The following CFAP54 variants were observed in gnomAD, a reference collection of about 807,000 sequenced individuals.
The protein encoded by CFAP54 is cilia and flagella associated protein 54.
In CFAP54, 290 loss-of-function variants were observed where a neutral mutation model predicts 370.4. That is an observed-to-expected ratio of 0.78 (90% CI 0.71 to 0.86). CFAP54 has a LOEUF of 0.86. Among genes scored for constraint, CFAP54 ranks in the 40% least tolerant of loss-of-function variants. CFAP54 has a pLI of 0.00. For missense variants in CFAP54, 3,399 were observed against 3,528.7 expected (o/e 0.96, Z 0.93); for synonymous variants, 1,206 against 1,236.5 (o/e 0.98, Z 0.52).
chr12:96,693,642 A>T, intron 44 of CFAP54, 80 bp from the exon 45 acceptor site: 1 of 893,942 alleles, frequency 1.1e-6, no homozygotes, highest in Non-Finnish European at 1.8e-6. Context: ...TCCTATATTT[A>T]ATATTTGGCT....
At chr12:96,575,057 C>G (rs1200901553) in intron 19 of CFAP54, among the ~76,000 whole-genome samples, 1 of 151,988 alleles carries the variant, frequency 6.6e-6, no homozygotes, top group Admixed American at 6.6e-5. Context: ...ATTATTATTT[C>G]TGTGTTTAGG....
Position 96,718,447 on chromosome 12 carries a change from A to G in CFAP54, c.6729A>G (p.Ile2243Met), listed in dbSNP as rs776098365. 5 of 1,487,476 alleles carry G rather than the reference A, an allele frequency of 3.4e-6. No homozygotes were observed. The South Asian group carries it at 3.4e-5, about 10-fold the overall frequency. 92.1% of individuals were successfully genotyped at this position (1,487,476 alleles called of 1,614,324 possible). A position where few individuals can be genotyped will look rare whatever the true frequency, so the allele number is the denominator to read the frequency against. ...SKPNLPNLEE[I>M]YSKDDGSSFY... The stretch of plus-strand genomic sequence containing the variant: ...CAAAATTTTGTGTCTTTATAGAGAT[A>G]TATTCAAAGGATGATGGAAGTTCAT... The change falls in exon 49 of 68, where the codon ATA becomes ATG. Residue 2243 changes from isoleucine (I) to methionine (M), a missense_variant. Physicochemically the swap from Ile to Met is conservative, Grantham distance 10. Coordinates refer to ENST00000524981, the MANE Select transcript of CFAP54 (RefSeq NM_001306084.2).
chr12:96,723,447 A>G (rs1957783244), intron 50 of CFAP54, among the ~76,000 whole-genome samples: 1 of 152,138 alleles, frequency 6.6e-6, no homozygotes, highest in Non-Finnish European at 1.5e-5. Context: ...CCAAGTGAAG[A>G]AAGTGGTTGA....
intron 60 of CFAP54, among the ~76,000 whole-genome samples, chr12:96,783,826 C>T (rs554761747): frequency 7.9e-5 from 12 of 152,094 alleles, no homozygotes; most frequent in South Asian, 4.2e-4. Flanking sequence ...GAGAAGGTTG[C>T]GGTGAGCCAA....
intron 63 of CFAP54, among the ~76,000 whole-genome samples, chr12:96,807,112 T>A (rs892529253): frequency 6.6e-6 from 1 of 152,172 alleles, no homozygotes; most frequent in African/African-American, 2.4e-5. Context: ...CTTCTCTGAC[T>A]TCTCTTGGTA....
chr12:96,498,143 A>T (rs1353901004), intron 1 of CFAP54, among the ~76,000 whole-genome samples: 2 of 152,200 alleles, frequency 1.3e-5, no homozygotes, highest in African/African-American at 4.8e-5. Context: ...CATGCCAAAA[A>T]ATGAATCTAG....
chr12:96,708,061 G>A (rs115195352), intron 47 of CFAP54, among the ~76,000 whole-genome samples: 166 of 152,236 alleles, frequency 1.1e-3, no homozygotes, highest in African/African-American at 3.9e-3. Flanking sequence ...CAGACCATAA[G>A]AGGGCTCAGA....
chr12:96,806,733 TG>T (rs1958886848), intron 63 of CFAP54, among the ~76,000 whole-genome samples: 2 of 152,164 alleles, frequency 1.3e-5, no homozygotes, highest in Middle Eastern at 3.2e-3. Context: ...CTCTGGATTT[TG>T]GGCCAGGTTG....
At chr12:96,862,306 G>A (rs1959898378) in intron 67 of CFAP54, among the ~76,000 whole-genome samples, 1 of 152,110 alleles carries the variant, frequency 6.6e-6, no homozygotes, top group Non-Finnish European at 1.5e-5. Flanking sequence ...GGAGAACAGA[G>A]GCATAAAAAC....
Position 96,784,839 on chromosome 12 carries a change from C to T in CFAP54, c.8404C>T (p.Leu2802=), listed in dbSNP as rs1212542147. 9 of 1,533,478 alleles carry T rather than the reference C, an allele frequency of 5.9e-6. No individual in the cohort carries two copies. Among genetic ancestry groups the T allele is most frequent in the Non-Finnish European group, 7.0e-6 (8 of 1,145,418 alleles). 95.0% of individuals were successfully genotyped at this position (1,533,478 alleles called of 1,614,324 possible). A position where few individuals can be genotyped will look rare whatever the true frequency, so the allele number is the denominator to read the frequency against. Residue 2802 remains leucine (L), a synonymous_variant, in exon 61 of 68, where the codon CTG becomes TTG. Coordinates refer to ENST00000524981, the MANE Select transcript of CFAP54 (RefSeq NM_001306084.2). ...AGTGGATATTACATGGATCCTTCTA[C>T]TGCGCTACTATATTCACCTTCAGAG... ...TKVDITWILL[L]RYYIHLQRIN...
intron 51 of CFAP54, among the ~76,000 whole-genome samples, chr12:96,742,221 G>C (rs1266043131): frequency 6.6e-6 from 1 of 152,164 alleles, no homozygotes; most frequent in Admixed American, 6.5e-5. Flanking sequence ...CTGAAAAGCA[G>C]TATGCTAAAA....
intron 66 of CFAP54, among the ~76,000 whole-genome samples, chr12:96,853,511 T>C (rs950454425): frequency 5.3e-5 from 8 of 152,160 alleles, no homozygotes; most frequent in Admixed American, 1.3e-4. Flanking sequence ...GACTTCTCCT[T>C]TTCTGTCTAC....
At position 96,535,607 on chromosome 12, in the gene CFAP54, T is replaced by C. The variant is rs1239051639; in HGVS notation, c.1791+7T>C. 1 of 1,521,054 alleles carries C rather than the reference T, an allele frequency of 6.6e-7. No homozygotes were observed. Among genetic ancestry groups the C allele is most frequent in the Admixed American group, 2.0e-5 (1 of 49,916 alleles). 94.2% of individuals were successfully genotyped at this position (1,521,054 alleles called of 1,614,324 possible). A position where few individuals can be genotyped will look rare whatever the true frequency, so the allele number is the denominator to read the frequency against. The stretch of plus-strand genomic sequence containing the variant: ...TGTCTGCACTGCTCCCCAGGTGAAA[T>C]AGCTATTTTAAATAATTTTTATTAG... On this transcript the variant is annotated splice_region_variant and intron_variant, in intron 12 of 67. Coordinates refer to ENST00000524981, the MANE Select transcript of CFAP54 (RefSeq NM_001306084.2).
intron 63 of CFAP54, among the ~76,000 whole-genome samples, chr12:96,793,226 CA>C (rs1246732132): frequency 6.6e-6 from 1 of 152,060 alleles, no homozygotes; most frequent in African/African-American, 2.4e-5. Flanking sequence ...TCTATTGTAT[CA>C]TTCTTATACA....
rs955996472 is a variant in CFAP54 at position 96,786,903 on chromosome 12, C to T, written c.8679+5C>T. 1.7e-5 allele frequency: 26 copies of T among 1,510,880 alleles called. No homozygotes were observed. Among genetic ancestry groups the T allele is most frequent in the Middle Eastern group, 3.4e-4 (2 of 5,874 alleles). The allele number at this position is 1,510,880 out of a possible 1,614,324, so 93.6% of individuals were successfully genotyped here. On this transcript the variant is annotated splice_donor_5th_base_variant and intron_variant, in intron 62 of 67. Coordinates refer to ENST00000524981, the MANE Select transcript of CFAP54 (RefSeq NM_001306084.2). ...TTACGTGAATCATCTGCCAAGGTAA[C>T]GTTTTTTGAAACATGATATATTTAC...
chr12:96,832,431 T>C (rs1959174165), intron 66 of CFAP54, among the ~76,000 whole-genome samples: 1 of 152,080 alleles, frequency 6.6e-6, no homozygotes, highest in Non-Finnish European at 1.5e-5. Context: ...GTTATTTAAC[T>C]TCTCTAAGCC....
intron 4 of CFAP54, among the ~76,000 whole-genome samples, chr12:96,509,478 C>A (rs1430775512): frequency 1.3e-5 from 2 of 152,158 alleles, no homozygotes; most frequent in East Asian, 1.9e-4. Flanking sequence ...GTTATACATA[C>A]ACACTCTTGG....
intron 39 of CFAP54, among the ~76,000 whole-genome samples, chr12:96,667,471 C>T (rs1320235205): frequency 1.3e-5 from 2 of 152,186 alleles, no homozygotes; most frequent in African/African-American, 2.4e-5. Context: ...TTCTGTGCAC[C>T]TGCAGACTCA....
chr12:96,762,414 G>A lies in CFAP54; in HGVS notation c.8041-1737G>A, dbSNP rs1165247165. 2.0e-5 allele frequency among the ~76,000 whole-genome samples: 3 copies of A among 152,074 alleles called. No homozygotes were observed. In the East Asian group the frequency reaches 5.8e-4, roughly 29 times the overall value. On this transcript the variant is annotated intron_variant, in intron 58 of 67. Coordinates refer to ENST00000524981, the MANE Select transcript of CFAP54 (RefSeq NM_001306084.2). The stretch of plus-strand genomic sequence containing the variant: ...AATCTACATGCATTCCACACCCCTT[G>A]CCCGGGTTTTCTTTCCTGTTTACAT...
Sources: allele counts gnomAD v4.1 joint callset (sites outside exome capture counted in the v4.1 genomes callset), GRCh38; gene constraint gnomAD v4.1.1; transcripts MANE v1.5; gene names NCBI Gene and HGNC (gene_info 2026-07-23, HGNC 2026-07-21).